Variants in CHRM3 observed in about 807,000 individuals in gnomAD.
CHRM3 encodes muscarinic acetylcholine receptor M3.
CHRM3 carries 11 observed loss-of-function variants against 41.8 expected under a neutral mutation model. The observed-to-expected ratio is 0.26, with a 90% CI of 0.17 to 0.44. The LOEUF (loss-of-function observed/expected upper bound fraction) is 0.44. Among genes scored for constraint, CHRM3 ranks in the 20% least tolerant of loss-of-function variants. The pLI, the probability that CHRM3 is intolerant of heterozygous loss-of-function variation, is 1.00. For synonymous variants in CHRM3, 297 were observed against 301.4 expected, an observed-to-expected ratio of 0.99 and a Z score of 0.15; for missense variants, 571 against 745.4, an observed-to-expected ratio of 0.77 and a Z score of 2.72.
At chr1:239,513,737 C>A (rs1458001393) in intron 2 of CHRM3, among the ~76,000 whole-genome samples, 1 of 152,078 alleles carries the variant, frequency 6.6e-6, no homozygotes, top group Non-Finnish European at 1.5e-5. Flanking sequence ...CCGTTGTTAT[C>A]TTTTAGGAGT....
chr1:239,566,428 T>C (rs1446933494), intron 3 of CHRM3, among the ~76,000 whole-genome samples: 4 of 152,210 alleles, frequency 2.6e-5, no homozygotes. Flanking sequence ...TATTAGTTCC[T>C]TAAGTGGCAG....
intron 3 of CHRM3, chr1:239,606,152 A>G (rs1271651122): frequency 6.6e-6 from 1 of 152,088 alleles, no homozygotes; most frequent in African/African-American, 2.4e-5. Flanking sequence ...CATTTTACTA[A>G]TTTTGTCTTA....
At chr1:239,655,120 G>T (rs1438498443) in intron 4 of CHRM3, among the ~76,000 whole-genome samples, 3 of 152,170 alleles carry the variant, frequency 2.0e-5, no homozygotes, top group Non-Finnish European at 1.5e-5. Context: ...AAAAGGAAGA[G>T]TTCTATTCAT....
intron 3 of CHRM3, among the ~76,000 whole-genome samples, chr1:239,598,920 C>T (rs1171352190): frequency 7.3e-5 from 11 of 151,596 alleles, no homozygotes; most frequent in African/African-American, 2.7e-4. Context: ...GCTTCCCACT[C>T]AGCCCCTAAA....
intron 5 of CHRM3, among the ~76,000 whole-genome samples, chr1:239,733,516 T>C (rs983450037): frequency 1.3e-5 from 2 of 152,090 alleles, no homozygotes; most frequent in Non-Finnish European, 2.9e-5. Flanking sequence ...TATTTAGTTA[T>C]TCTCAAGTTA....
At chr1:239,720,339 T>C (rs1253169597) in intron 5 of CHRM3, among the ~76,000 whole-genome samples, 1 of 152,018 alleles carries the variant, frequency 6.6e-6, no homozygotes, top group African/African-American at 2.4e-5. Context: ...ATCATGTTCA[T>C]ATAGTCACTG....
rs76533575 is a variant in CHRM3, at chr1:239,868,899, T to C, written c.-19-38534T>C. Among the ~76,000 whole-genome samples the C allele has an allele frequency of 3.3e-4, 50 of 152,254 alleles. No homozygotes were observed. The East Asian group carries it at 9.5e-3, about 29-fold the overall frequency. ...GGTTTCAAGATTGATAAAATATGGA[T>C]AATAGTCTGCTTCACGTGAAATAAA... On this transcript the variant is annotated intron_variant, in intron 6 of 6. Coordinates refer to ENST00000676153, the MANE Select transcript of CHRM3 (RefSeq NM_001375978.1).
chr1:239,525,889 T>G (rs1308859191), intron 2 of CHRM3, among the ~76,000 whole-genome samples: 2 of 152,194 alleles, frequency 1.3e-5, no homozygotes, highest in Non-Finnish European at 2.9e-5. Flanking sequence ...TCAAGAACTT[T>G]AAGAAACCCT....
At chr1:239,424,162 A>G (rs1207454201) in intron 1 of CHRM3, among the ~76,000 whole-genome samples, 1 of 151,634 alleles carries the variant, frequency 6.6e-6, no homozygotes, top group Non-Finnish European at 1.5e-5. Context: ...ATGTGCTTCC[A>G]TAGATTTCGG....
chr1:239,754,534 G>A (rs1666088603), intron 5 of CHRM3, among the ~76,000 whole-genome samples: 1 of 152,224 alleles, frequency 6.6e-6, no homozygotes, highest in South Asian at 2.1e-4. Context: ...ATACTCTACA[G>A]TAAACAAGAC....
chr1:239,831,410 C>T (rs939249272), intron 6 of CHRM3, among the ~76,000 whole-genome samples: 2 of 152,154 alleles, frequency 1.3e-5, no homozygotes, highest in Admixed American at 1.3e-4. Flanking sequence ...CCAATGCCCT[C>T]TTGATCGATT....
At chr1:239,655,952 A>G (rs1672673180) in intron 4 of CHRM3, among the ~76,000 whole-genome samples, 1 of 152,240 alleles carries the variant, frequency 6.6e-6, no homozygotes, top group Non-Finnish European at 1.5e-5. Context: ...TGGTACTTTT[A>G]TACACCATGG....
chr1:239,745,765 T>G (rs1186032302), intron 5 of CHRM3, among the ~76,000 whole-genome samples: 1 of 152,142 alleles, frequency 6.6e-6, no homozygotes, highest in Non-Finnish European at 1.5e-5. Flanking sequence ...AAATTAGAAG[T>G]AAAAGTAACA....
At chr1:239,399,465 T>A (rs996772193) in intron 1 of CHRM3, among the ~76,000 whole-genome samples, 2 of 152,084 alleles carry the variant, frequency 1.3e-5, no homozygotes, top group Non-Finnish European at 2.9e-5. Flanking sequence ...TCATCCTAAA[T>A]GAAACTTTGT....
At chr1:239,895,305 G>GA (rs149148301) in intron 6 of CHRM3, among the ~76,000 whole-genome samples, 5,638 of 152,224 alleles carry the variant, frequency 0.037, 377 homozygotes, top group African/African-American at 0.13. Context: ...GAGTTTGGGA[G>GA]AAAGCCCGAA....
At chr1:239,610,459 C>T (rs1666888962) in intron 3 of CHRM3, among the ~76,000 whole-genome samples, 1 of 152,094 alleles carries the variant, frequency 6.6e-6, no homozygotes, top group African/African-American at 2.4e-5. Context: ...TTTCTCATGT[C>T]AGGGTTATTG....
At chr1:239,451,921 A>G (rs1219717597) in intron 1 of CHRM3, among the ~76,000 whole-genome samples, 1 of 152,162 alleles carries the variant, frequency 6.6e-6, no homozygotes, top group Non-Finnish European at 1.5e-5. Context: ...TTAAAATGCA[A>G]TATATTTTTA....
rs897840861 is a variant in CHRM3, at chr1:239,534,318, T to C, written c.-421-11323T>C. ...TTCAGCCTGGGTGACAAAGCGAGAC[T>C]CTGTCTCAAAAAAGAAAATTTTAGG... is the stretch of plus-strand genomic sequence containing the variant. On this transcript the variant is annotated intron_variant, in intron 2 of 6. Coordinates refer to ENST00000676153, the MANE Select transcript of CHRM3 (RefSeq NM_001375978.1). 3.9e-4 allele frequency among the ~76,000 whole-genome samples: 60 copies of C among 152,314 alleles called. 1 individual carries two copies. Among genetic ancestry groups the C allele is most frequent in the African/African-American group, 1.4e-3 (57 of 41,580 alleles).
At chr1:239,487,521 TA>T (rs544345964) in intron 1 of CHRM3, among the ~76,000 whole-genome samples, 112 of 151,780 alleles carry the variant, frequency 7.4e-4, no homozygotes, top group Non-Finnish European at 1.3e-3. Context: ...CAGAAACATG[TA>T]AAAAAACCAA....
Sources: gnomAD v4.1 joint callset for allele counts (sites outside exome capture counted in the v4.1 genomes callset) on GRCh38, gnomAD v4.1.1 for gene constraint, MANE v1.5 for transcripts, NCBI Gene and HGNC (gene_info 2026-07-23, HGNC 2026-07-21) for gene names.